Variants in NKTR observed in about 807,000 individuals in gnomAD.
NKTR encodes the protein NK-tumor recognition protein.
Under a neutral mutation model 156.3 loss-of-function variants are expected in NKTR, and 67 were observed. That is an observed-to-expected ratio of 0.43 (90% CI 0.35 to 0.53). The LOEUF is 0.53. Among genes scored for constraint, NKTR ranks in the 20% least tolerant of loss-of-function variants. The probability of loss-of-function intolerance (pLI) is 0.01; values close to 1 mark genes in which losing one functional copy is unlikely to be tolerated. For missense variants in NKTR, 1,604 were observed against 1,730.9 expected (o/e 0.93, Z 1.30); for synonymous variants, 640 against 596.6 (o/e 1.07, Z -1.06).
At chr3:42,635,078 AGAAC>A in intron 11 of NKTR, 139 bp from the exon 12 acceptor site, 3 of 434,244 alleles carry the variant, frequency 6.9e-6, no homozygotes, top group Non-Finnish European at 1.2e-5. Flanking sequence ...AAAAAAAAAA[AGAAC>A]TTTAGACCAT....
Position 42,632,613 on chromosome 3 carries a change from AAAG to A in NKTR, c.564_566del (p.Arg189del). On this transcript the variant is annotated inframe_deletion, in exon 9 of 17. Coordinates refer to ENST00000232978, the MANE Select transcript of NKTR (RefSeq NM_005385.4). ...TGTTTCTTAAAAGTTTTTGAGAAAA[AAAG>A]GAAGAAACCAACTCATTCAGAAGGC... is the stretch of plus-strand genomic sequence containing the variant. 6.3e-7 allele frequency: 1 copy of A among 1,598,780 alleles called. No homozygotes were observed. Among genetic ancestry groups the A allele is most frequent in the Admixed American group, 1.8e-5 (1 of 55,982 alleles).
intron 5 of NKTR, chr3:42,620,780 C>T: frequency 1.0e-6 from 1 of 984,824 alleles, no homozygotes; most frequent in Non-Finnish European, 1.2e-6. Context: ...AAAACTAATG[C>T]TGTAGGCCAC....
chr3:42,636,347 G>A (rs989872272), intron 12 of NKTR, among the ~76,000 whole-genome samples: 1 of 152,146 alleles, frequency 6.6e-6, no homozygotes, highest in Non-Finnish European at 1.5e-5. Context: ...CTGTTTTTGT[G>A]TACTTTTTCC....
At chr3:42,612,909 A>G (rs190536644) in intron 2 of NKTR, among the ~76,000 whole-genome samples, 4 of 151,372 alleles carry the variant, frequency 2.6e-5, no homozygotes, top group Admixed American at 1.3e-4. Flanking sequence ...CCACTTACAT[A>G]TTTTTTCCTG....
intron 2 of NKTR, among the ~76,000 whole-genome samples, chr3:42,607,727 A>C (rs1202080002): frequency 2.6e-5 from 4 of 152,182 alleles, no homozygotes; most frequent in Non-Finnish European, 5.9e-5. Context: ...AAAAGAATGA[A>C]AAGGGGGAAA....
chr3:42,612,158 TTAG>T (rs1706890276), intron 2 of NKTR: 1 of 152,226 alleles, frequency 6.6e-6, no homozygotes. Flanking sequence ...TCATGATATG[TTAG>T]TAGAGCAAGG....
At position 42,634,617 on chromosome 3, in the gene NKTR, A is replaced by T. The variant is rs530114282; in HGVS notation, c.934A>T (p.Ile312Phe). The change falls in exon 11 of 17, where the codon ATT becomes TTT. Residue 312 changes from isoleucine to phenylalanine, a missense_variant. By Grantham distance (21) the Ile-to-Phe change is conservative. Coordinates refer to ENST00000232978, the MANE Select transcript of NKTR (RefSeq NM_005385.4). Reference protein sequence around the residue: ...PVVTAEPEPKIPDVAPIVSDQ... With the variant: ...PVVTAEPEPKFPDVAPIVSDQ... Reference sequence around the variant, plus strand: ...ATCACAATCTTCTTTTCCTAGGAAGATTCCTGATGTTGCACCCATTGTAAG... The same window carrying T: ...ATCACAATCTTCTTTTCCTAGGAAGTTTCCTGATGTTGCACCCATTGTAAG... 2 of 1,542,782 alleles carry T rather than the reference A, an allele frequency of 1.3e-6. No individual in the cohort carries two copies. Among genetic ancestry groups the T allele is most frequent in the South Asian group, 2.5e-5 (2 of 80,978 alleles).
chr3:42,612,652 A>G (rs576593732), intron 2 of NKTR, among the ~76,000 whole-genome samples: 2 of 152,312 alleles, frequency 1.3e-5, no homozygotes, highest in Admixed American at 6.5e-5. Context: ...ATGTATTCAA[A>G]TAGATATTTC....
At chr3:42,614,172 G>T (rs1193210450) in intron 2 of NKTR, among the ~76,000 whole-genome samples, 2 of 152,076 alleles carry the variant, frequency 1.3e-5, no homozygotes, top group African/African-American at 4.8e-5. Flanking sequence ...ATTTTTCTTA[G>T]ATATTATTTA....
intron 5 of NKTR, chr3:42,619,919 G>A: frequency 6.9e-7 from 1 of 1,457,000 alleles, no homozygotes; most frequent in Non-Finnish European, 9.0e-7. Context: ...CTAACTTTAT[G>A]GTTAAACATG....
chr3:42,628,486 G>A lies in NKTR; in HGVS notation c.375-2060G>A, dbSNP rs945647012. On this transcript the variant is annotated intron_variant, in intron 6 of 16. Transcript: ENST00000232978. ...TTTCTCCAAAGGTTTGCCATAAAGTGGTTTTTACAGCCTTTCTATCAGCCA... is the reference window on the plus strand; with the variant it reads ...TTTCTCCAAAGGTTTGCCATAAAGTAGTTTTTACAGCCTTTCTATCAGCCA... 1.0e-5 allele frequency: 10 copies of A among 985,250 alleles called. No individual in the cohort carries two copies. In the Admixed American group the frequency reaches 4.9e-4, roughly 48 times the overall value. The allele number at this position is 985,250 out of a possible 1,614,324, so 61.0% of individuals were successfully genotyped here.
intron 2 of NKTR, among the ~76,000 whole-genome samples, chr3:42,603,360 TAAAAAAAAAAAAA>T (rs376932471): frequency 1.1e-5 from 1 of 92,744 alleles, no homozygotes; most frequent in Non-Finnish European, 2.4e-5. Context: ...ATCTTGTTTC[TAAAAAAAAAAAAA>T]AAAAAAAAAA....
chr3:42,616,881 T>A (rs1275332262), intron 2 of NKTR, among the ~76,000 whole-genome samples: 1 of 152,092 alleles, frequency 6.6e-6, no homozygotes, highest in East Asian at 1.9e-4. Context: ...TACGTCAGCC[T>A]CCCCAATAAC....
chr3:42,633,221 GT>G (rs2125809376), intron 9 of NKTR: 2 of 480,666 alleles, frequency 4.2e-6, no homozygotes, highest in South Asian at 1.2e-4. Flanking sequence ...TAAATTTTTT[GT>G]AGAGACAGGG....
intron 2 of NKTR, among the ~76,000 whole-genome samples, chr3:42,603,628 G>T (rs1275485561): frequency 6.6e-6 from 1 of 151,154 alleles, no homozygotes; most frequent in African/African-American, 2.4e-5. Context: ...TGCTTACATT[G>T]TTCTAGGTTT....
chr3:42,632,858 A>C lies in NKTR; in HGVS notation c.773+35A>C. 3 of 1,476,636 alleles carry C rather than the reference A, an allele frequency of 2.0e-6. No homozygotes were observed. The East Asian group carries it at 7.1e-5, about 35-fold the overall frequency. The allele number at this position is 1,476,636 out of a possible 1,614,324, so 91.5% of individuals were successfully genotyped here. ...AAACACCAATGTACTCTTACCTAAA[A>C]ACAAACACTCTGGAATGGGAAAAGT... On this transcript the variant is annotated intron_variant, in intron 9 of 16. Transcript: ENST00000232978.
intron 2 of NKTR, among the ~76,000 whole-genome samples, chr3:42,616,582 C>T (rs1707388438): frequency 6.6e-6 from 1 of 152,188 alleles, no homozygotes; most frequent in Non-Finnish European, 1.5e-5. Flanking sequence ...ATATGAACTA[C>T]ATAAACAAAA....
intron 7 of NKTR, chr3:42,630,824 T>G (rs1708826921): frequency 7.5e-7 from 1 of 1,336,748 alleles, no homozygotes; most frequent in Non-Finnish European, 9.5e-7. Context: ...TTTATTTTTC[T>G]CTTCAGTTTT....
chr3:42,639,899 G>C (rs1709735405), intron 13 of NKTR, 149 bp downstream of exon 13: 4 of 676,892 alleles, frequency 5.9e-6, no homozygotes, highest in Non-Finnish European at 9.7e-6. Context: ...AGAGTAGATT[G>C]AAAACTTAGG....
Sources: gnomAD v4.1 joint callset for allele counts (sites outside exome capture counted in the v4.1 genomes callset) on GRCh38, gnomAD v4.1.1 for gene constraint, MANE v1.5 for transcripts, NCBI Gene and HGNC (gene_info 2026-07-23, HGNC 2026-07-21) for gene names.